The following CHIC2 variants were observed in gnomAD, a reference collection of about 807,000 sequenced individuals.
CHIC2 encodes the protein cysteine-rich hydrophobic domain-containing protein 2.
A neutral mutation model predicts 25.9 loss-of-function variants in CHIC2; 14 were observed. The ratio of observed to expected loss-of-function variants is 0.54; its 90% confidence interval spans 0.36 to 0.85. The LOEUF (loss-of-function observed/expected upper bound fraction) is 0.85, where lower values mean the gene tolerates loss of function less well. Ranked by LOEUF, CHIC2 falls within the 40% of genes least tolerant of loss-of-function variation. CHIC2 has a pLI of 0.01. For synonymous variants in CHIC2, 70 were observed against 72.0 expected (o/e 0.97, Z 0.14); for missense variants, 146 against 202.0 (o/e 0.72, Z 1.68).
intron 3 of CHIC2, among the ~76,000 whole-genome samples, chr4:54,036,185 T>C (rs1282360678): frequency 6.6e-6 from 1 of 152,206 alleles, no homozygotes; most frequent in African/African-American, 2.4e-5. Context: ...GGTTAGAGTG[T>C]TTTATAAATG....
chr4:54,029,855 C>A (rs1716169235), intron 3 of CHIC2, among the ~76,000 whole-genome samples: 1 of 152,128 alleles, frequency 6.6e-6, no homozygotes, highest in South Asian at 2.1e-4. Context: ...TATGATTCCC[C>A]CAGGTTCACT....
At chr4:54,061,304 C>T (rs1717326130) in intron 1 of CHIC2, 1 of 151,900 alleles carries the variant, frequency 6.6e-6, no homozygotes, top group South Asian at 2.1e-4. Flanking sequence ...CGTGAGAATA[C>T]CAGTTTCTAA....
chr4:54,080,561 T>C, the CHIC2 span, among the ~76,000 whole-genome samples: 2 of 151,036 alleles, frequency 1.3e-5, no homozygotes. Context: ...AAATCAAGAG[T>C]TCAAGACCAA....
chr4:54,009,972 A>G lies in CHIC2; in HGVS notation c.*123T>C, dbSNP rs1715528690. On this transcript the variant is annotated 3_prime_UTR_variant, in exon 6 of 6. Transcript: ENST00000263921. The stretch of plus-strand genomic sequence containing the variant: ...GGTTATTTAAAAAAAAAACAAAAAC[A>G]AAAACAAAAAAAACACCACACGATT... The G allele has an allele frequency of 3.4e-6, 2 of 591,898 alleles. No individual in the cohort carries two copies. Among genetic ancestry groups the G allele is most frequent in the South Asian group, 3.0e-5 (1 of 33,628 alleles). 36.7% of individuals were successfully genotyped at this position (591,898 alleles called of 1,614,324 possible).
the CHIC2 span, among the ~76,000 whole-genome samples, chr4:54,080,942 GTATATATATA>G: frequency 0.091 from 9,226 of 101,002 alleles, 444 homozygotes; most frequent in South Asian, 0.17. Flanking sequence ...ATGTGTGTGT[GTATATATATA>G]TATATATATA....
Position 54,053,179 on chromosome 4 carries a change from T to C in CHIC2, c.120-3874A>G, listed in dbSNP as rs576653830. Among the ~76,000 whole-genome samples, 101 of 152,326 alleles carry C rather than the reference T, an allele frequency of 6.6e-4. 1 individual carries two copies. Among genetic ancestry groups the C allele is most frequent in the Admixed American group, 6.5e-3 (99 of 15,298 alleles). On this transcript the variant is annotated intron_variant, in intron 1 of 5. Coordinates refer to ENST00000263921, the MANE Select transcript of CHIC2 (RefSeq NM_012110.4). ...GAAGAAAATTCAATATACCATGATA[T>C]TAACTGAAAAGAACAAAAATCTTGC...
chr4:54,043,362 A>T (rs1716651850), intron 3 of CHIC2, among the ~76,000 whole-genome samples: 1 of 149,808 alleles, frequency 6.7e-6, no homozygotes, highest in Non-Finnish European at 1.5e-5. Context: ...TGGAGCTTGC[A>T]GTGAGCAGAG....
chr4:54,067,161 G>C (rs1717534681), upstream of CHIC2, among the ~76,000 whole-genome samples: 1 of 152,176 alleles, frequency 6.6e-6, no homozygotes, highest in East Asian at 1.9e-4. Flanking sequence ...CTTCACACTG[G>C]CTGGATGTGG....
At chr4:54,085,208 T>G in the CHIC2 span, among the ~76,000 whole-genome samples, 2 of 152,208 alleles carry the variant, frequency 1.3e-5, no homozygotes, top group East Asian at 3.8e-4. Context: ...TGTTCAGAAT[T>G]GGTAATTTTA....
At chr4:54,028,429 TACTTG>T (rs1228901038) in intron 3 of CHIC2, among the ~76,000 whole-genome samples, 1 of 152,218 alleles carries the variant, frequency 6.6e-6, no homozygotes, top group Non-Finnish European at 1.5e-5. Context: ...TCAAATAGGT[TACTTG>T]ACTTCTGAGC....
chr4:54,091,321 C>T, the CHIC2 span, among the ~76,000 whole-genome samples: 9 of 152,236 alleles, frequency 5.9e-5, no homozygotes, highest in Middle Eastern at 6.8e-3. Flanking sequence ...GGGCTGCGCC[C>T]GTAGCGCACC....
At chr4:54,046,389 G>A (rs1213302028) in intron 3 of CHIC2, among the ~76,000 whole-genome samples, 3 of 152,120 alleles carry the variant, frequency 2.0e-5, no homozygotes, top group Non-Finnish European at 4.4e-5. Context: ...CACGCTACCT[G>A]ACTTCAAACT....
At chr4:54,076,014 T>C in the CHIC2 span, among the ~76,000 whole-genome samples, 1 of 151,568 alleles carries the variant, frequency 6.6e-6, no homozygotes, top group Non-Finnish European at 1.5e-5. Flanking sequence ...AGGCTGGGCA[T>C]GGTGGCTCAC....
At chr4:54,027,008 CA>C (rs1386472029) in intron 3 of CHIC2, among the ~76,000 whole-genome samples, 2 of 152,174 alleles carry the variant, frequency 1.3e-5, no homozygotes, top group African/African-American at 2.4e-5. Context: ...TAGCCACTAA[CA>C]AGGCTATCGG....
Position 54,057,159 on chromosome 4 carries a change from C to T in CHIC2, c.119+7023G>A, listed in dbSNP as rs149186837. ...GTGGCCACTGCTATGTATTTCCATA[C>T]CTCATAGGAAAAGCTGTGAAATTTG... On this transcript the variant is annotated intron_variant, in intron 1 of 5. Coordinates refer to ENST00000263921, the MANE Select transcript of CHIC2 (RefSeq NM_012110.4). 2.9e-3 allele frequency among the ~76,000 whole-genome samples: 441 copies of T among 152,282 alleles called. 2 individuals carry two copies. Among genetic ancestry groups the T allele is most frequent in the African/African-American group, 0.01 (416 of 41,544 alleles).
chr4:54,071,498 C>A, the CHIC2 span, among the ~76,000 whole-genome samples: 1 of 152,212 alleles, frequency 6.6e-6, no homozygotes. Context: ...GGTAACTTGG[C>A]CAAGGCCACA....
intron 1 of CHIC2, among the ~76,000 whole-genome samples, chr4:54,053,575 A>G (rs1717075603): frequency 6.6e-6 from 1 of 151,746 alleles, no homozygotes; most frequent in Non-Finnish European, 1.5e-5. Context: ...AAAAAAAAAA[A>G]AAAAATTCCT....
upstream of CHIC2, chr4:54,064,720 G>A: frequency 1.1e-6 from 1 of 896,216 alleles, no homozygotes. This position sits in a 1 kb window ranked among gnomAD's most constrained non-coding sequence, Gnocchi z 4.2. Context: ...CGGACTGGCT[G>A]GCGGGCGGGC....
chr4:54,026,993 T>G (rs986724725), intron 3 of CHIC2, among the ~76,000 whole-genome samples: 3 of 152,192 alleles, frequency 2.0e-5, no homozygotes, highest in Non-Finnish European at 4.4e-5. Context: ...ACATGCAAGT[T>G]TTCTTAGCCA....
Sources: gnomAD v4.1 joint callset for allele counts (sites outside exome capture counted in the v4.1 genomes callset) on GRCh38, gnomAD v4.1.1 for gene constraint, Gnocchi (gnomAD v3.1) non-coding constraint, MANE v1.5 for transcripts, NCBI Gene and HGNC (gene_info 2026-07-23, HGNC 2026-07-21) for gene names.